The following PCDH9 variants were observed in gnomAD, a reference collection of about 807,000 sequenced individuals.
PCDH9 encodes the protein protocadherin-9.
In PCDH9, 24 loss-of-function variants were observed where a neutral mutation model predicts 70.6. The observed-to-expected ratio is 0.34, with a 90% CI of 0.25 to 0.48. PCDH9 has a LOEUF of 0.48. Among genes scored for constraint, PCDH9 ranks in the 20% least tolerant of loss-of-function variants. The probability of loss-of-function intolerance (pLI) is 0.99; values close to 1 mark genes in which losing one functional copy is unlikely to be tolerated. For synonymous variants in PCDH9, 562 were observed against 558.5 expected (o/e 1.01, Z -0.09); for missense variants, 1,281 against 1,503.6 (o/e 0.85, Z 2.45).
intron 4 of PCDH9, among the ~76,000 whole-genome samples, chr13:66,374,062 G>A (rs1210372764): frequency 1.3e-5 from 2 of 152,076 alleles, no homozygotes; most frequent in African/African-American, 4.8e-5. Flanking sequence ...TGCTGCAGGG[G>A]ATTGCCAGAG....
At chr13:66,919,168 G>C (rs1250997123) in intron 2 of PCDH9, among the ~76,000 whole-genome samples, 1 of 151,056 alleles carries the variant, frequency 6.6e-6, no homozygotes, top group African/African-American at 2.4e-5. Context: ...ATACAATTCT[G>C]TGCATTCAGT....
intron 1 of PCDH9, 54 bp from the exon 2 acceptor site, chr13:67,228,629 G>A (rs117105182): frequency 2.8e-4 from 122 of 436,286 alleles, no homozygotes; most frequent in African/African-American, 1.1e-3. Context: ...AAAACACACC[G>A]TCACAAAATA....
At chr13:67,160,603 G>T (rs1396882148) in intron 2 of PCDH9, among the ~76,000 whole-genome samples, 3 of 151,214 alleles carry the variant, frequency 2.0e-5, no homozygotes, top group African/African-American at 7.3e-5. Flanking sequence ...TAGGGTTTAT[G>T]ATTTAAATAC....
chr13:66,590,687 GT>G (rs2077027352), intron 4 of PCDH9, among the ~76,000 whole-genome samples: 1 of 151,808 alleles, frequency 6.6e-6, no homozygotes, highest in South Asian at 2.1e-4. Context: ...CACAGGTATA[GT>G]ATAGGTTGAA....
rs763285753 is a variant in PCDH9 at position 66,390,402 on chromosome 13, C to T, written c.3341-85374G>A. 1.8e-4 allele frequency among the ~76,000 whole-genome samples: 27 copies of T among 152,070 alleles called. No individual in the cohort carries two copies. The South Asian group carries it at 2.9e-3, about 16-fold the overall frequency. The stretch of plus-strand genomic sequence containing the variant: ...GAATAAATAAGAATTCCTGGGGAAA[C>T]GACAGCCATAAATGGATAGGACAGC... On this transcript the variant is annotated intron_variant, in intron 4 of 4. Transcript: ENST00000377865.
intron 4 of PCDH9, among the ~76,000 whole-genome samples, chr13:66,480,008 T>C (rs35482649): frequency 0.31 from 47,498 of 152,106 alleles, 7,518 homozygotes; most frequent in South Asian, 0.35. Flanking sequence ...TCTTTGGGTC[T>C]GCACCACATT....
At chr13:66,981,042 T>C (rs576791595) in intron 2 of PCDH9, among the ~76,000 whole-genome samples, 223 of 152,290 alleles carry the variant, frequency 1.5e-3, no homozygotes, top group African/African-American at 5.3e-3. Flanking sequence ...ACGTGTACTA[T>C]ATTCTACATG....
intron 2 of PCDH9, among the ~76,000 whole-genome samples, chr13:67,080,716 A>C (rs553961471): frequency 1.1e-4 from 16 of 152,374 alleles, no homozygotes; most frequent in African/African-American, 3.8e-4. Context: ...GTATTCAGGC[A>C]AACTGCCTTA....
intron 2 of PCDH9, among the ~76,000 whole-genome samples, chr13:67,125,795 T>C (rs747856631): frequency 2.0e-5 from 3 of 152,094 alleles, no homozygotes; most frequent in Middle Eastern, 3.2e-3. Context: ...TGCATTTTCC[T>C]ACCTTTAGTT....
chr13:66,489,493 G>A (rs1319128376), intron 4 of PCDH9, among the ~76,000 whole-genome samples: 2 of 152,014 alleles, frequency 1.3e-5, no homozygotes, highest in Non-Finnish European at 2.9e-5. Context: ...TCTATTTTTT[G>A]TACTAACAGG....
intron 3 of PCDH9, among the ~76,000 whole-genome samples, chr13:66,717,183 C>T (rs951843981): frequency 2.0e-5 from 3 of 151,740 alleles, no homozygotes; most frequent in Admixed American, 6.6e-5. Context: ...TGGCCGGGCA[C>T]GGTGGCTCAC....
At chr13:67,190,161 T>C (rs2088871241) in intron 2 of PCDH9, among the ~76,000 whole-genome samples, 1 of 151,994 alleles carries the variant, frequency 6.6e-6, no homozygotes, top group Non-Finnish European at 1.5e-5. Flanking sequence ...TTCCTTATTA[T>C]ACAAAGACAC....
intron 2 of PCDH9, among the ~76,000 whole-genome samples, chr13:67,140,025 A>ACCCCCCCCCCCCC (rs34514187): frequency 3.0e-5 from 2 of 65,934 alleles, no homozygotes; most frequent in African/African-American, 5.7e-5. Context: ...TTTTTTGATC[A>ACCCCCCCCCCCCC]CCCCCCCCCC....
chr13:66,888,556 T>TA (rs146814865), intron 3 of PCDH9, among the ~76,000 whole-genome samples: 9 of 149,206 alleles, frequency 6.0e-5, no homozygotes, highest in East Asian at 2.0e-4. Context: ...AAAAAATAAA[T>TA]AAAAAAAAGA....
chr13:66,737,546 G>A (rs760227977), intron 3 of PCDH9, among the ~76,000 whole-genome samples: 5 of 152,174 alleles, frequency 3.3e-5, no homozygotes, highest in Admixed American at 1.3e-4. Flanking sequence ...CGTGAGCGAC[G>A]CAGAAGACGG....
chr13:67,141,117 A>G (rs1442750201), intron 2 of PCDH9, among the ~76,000 whole-genome samples: 1 of 152,218 alleles, frequency 6.6e-6, no homozygotes, highest in Non-Finnish European at 1.5e-5. Context: ...CATCCTAAAG[A>G]GTTTAGAATG....
chr13:66,467,461 A>ATTC (rs1460451541), intron 4 of PCDH9, among the ~76,000 whole-genome samples: 4 of 152,006 alleles, frequency 2.6e-5, no homozygotes, highest in African/African-American at 9.7e-5. Context: ...TCTCGACTTC[A>ATTC]TTCTTAGATG....
At chr13:66,340,731 C>G (rs185454451) in intron 4 of PCDH9, among the ~76,000 whole-genome samples, 354 of 152,260 alleles carry the variant, frequency 2.3e-3, no homozygotes, top group Non-Finnish European at 3.9e-3. Flanking sequence ...CTCCATTATA[C>G]AAAGAGGTGA....
chr13:66,355,303 C>A (rs540606328), intron 4 of PCDH9, among the ~76,000 whole-genome samples: 2 of 151,950 alleles, frequency 1.3e-5, no homozygotes, highest in African/African-American at 2.4e-5. Flanking sequence ...CACAGACATG[C>A]GCATACTGGG....
Sources: allele counts gnomAD v4.1 joint callset (sites outside exome capture counted in the v4.1 genomes callset), GRCh38; gene constraint gnomAD v4.1.1; transcripts MANE v1.5; gene names NCBI Gene and HGNC (gene_info 2026-07-23, HGNC 2026-07-21).